Variants in GGNBP2 observed in about 807,000 individuals in gnomAD.
GGNBP2 encodes gametogenetin-binding protein 2.
Under a neutral mutation model 85.9 loss-of-function variants are expected in GGNBP2, and 10 were observed. That is an observed-to-expected ratio of 0.12 (90% CI 0.07 to 0.20). The LOEUF (loss-of-function observed/expected upper bound fraction) is 0.20. Among genes scored for constraint, GGNBP2 ranks in the 10% least tolerant of loss-of-function variants. The probability of loss-of-function intolerance (pLI) is 1.00; values close to 1 mark genes in which losing one functional copy is unlikely to be tolerated. For synonymous variants in GGNBP2, 287 were observed against 285.7 expected (o/e 1.00, Z -0.05); for missense variants, 595 against 857.8 (o/e 0.69, Z 3.83).
rs72818385 is a variant in GGNBP2, at chr17:36,581,620, C to A, written c.1215+82C>A. On this transcript the variant is annotated intron_variant, in intron 9 of 13. Coordinates refer to ENST00000613102, the MANE Select transcript of GGNBP2 (RefSeq NM_024835.5). ...ACAGGCCAGGTGTGGTGGCTCACGC[C>A]TGTGATCCCAGCACTTTGGGAGGCC... 0.055 allele frequency: 57,920 copies of A among 1,059,394 alleles called. 2,143 individuals carry two copies. Among genetic ancestry groups the A allele is most frequent in the East Asian group, 0.16 (6,239 of 38,476 alleles). The allele number at this position is 1,059,394 out of a possible 1,614,324, so 65.6% of individuals were successfully genotyped here. A position where few individuals can be genotyped will look rare whatever the true frequency, so the allele number is the denominator to read the frequency against.
chr17:36,563,148 C>G (rs1309063150), intron 5 of GGNBP2, among the ~76,000 whole-genome samples: 2 of 151,966 alleles, frequency 1.3e-5, no homozygotes, highest in East Asian at 3.9e-4. Flanking sequence ...TGCTTGTAAT[C>G]TTAGCTACTT....
At chr17:36,547,092 T>A in intron 2 of GGNBP2, 1 of 152,214 alleles carries the variant, frequency 6.6e-6, no homozygotes, top group East Asian at 1.9e-4. Flanking sequence ...TGACATAAAG[T>A]AAATAGTGTT....
In GGNBP2 at chr17:36,557,071, T is replaced by C. The variant is rs1394265178; in HGVS notation, c.175-12T>C. ...TTAAAGGACACTCTTTCATTTTCTT[T>C]CCCTCTTTCAGCGACATGGTATGCT... On this transcript the variant is annotated splice_polypyrimidine_tract_variant and intron_variant, in intron 3 of 13. Transcript: ENST00000613102. 6.2e-7 allele frequency: 1 copy of C among 1,613,566 alleles called. No individual in the cohort carries two copies.
Position 36,589,480 on chromosome 17 carries a change from CTCTTAA to C in GGNBP2, c.*71_*76del. 1 of 1,280,934 alleles carries C rather than the reference CTCTTAA, an allele frequency of 7.8e-7. No homozygotes were observed. Among genetic ancestry groups the C allele is most frequent in the Admixed American group, 2.0e-5 (1 of 49,852 alleles). The allele number at this position is 1,280,934 out of a possible 1,614,324, so 79.3% of individuals were successfully genotyped here. A position where few individuals can be genotyped will look rare whatever the true frequency, so the allele number is the denominator to read the frequency against. On this transcript the variant is annotated 3_prime_UTR_variant, in exon 14 of 14. Coordinates refer to ENST00000613102, the MANE Select transcript of GGNBP2 (RefSeq NM_024835.5). ...CTACTGCGCCTTCTCTTTCGAAAAA[CTCTTAA>C]TTTAGTGACTTATGGCAAAATTTTA...
intron 9 of GGNBP2, 62 bp from the exon 10 acceptor site, chr17:36,585,238 G>A (rs1382144269): frequency 7.2e-7 from 1 of 1,387,484 alleles, no homozygotes; most frequent in Non-Finnish European, 1.0e-6. Flanking sequence ...TTGATCTAGG[G>A]AATAAAATGT....
intron 8 of GGNBP2, among the ~76,000 whole-genome samples, chr17:36,580,765 C>T (rs2074640572): frequency 6.6e-6 from 1 of 151,338 alleles, no homozygotes; most frequent in African/African-American, 2.4e-5. Context: ...ACTAAATATA[C>T]AAAAATCAGC....
At chr17:36,588,288 T>C (rs1006978018) in intron 13 of GGNBP2, among the ~76,000 whole-genome samples, 20 of 152,126 alleles carry the variant, frequency 1.3e-4, no homozygotes, top group Non-Finnish European at 2.4e-4. Context: ...GGTGGAGTTT[T>C]GCTCTGTTGC....
chr17:36,551,870 T>C (rs2074312075), intron 2 of GGNBP2, among the ~76,000 whole-genome samples: 1 of 152,120 alleles, frequency 6.6e-6, no homozygotes, highest in African/African-American at 2.4e-5. Context: ...GTCTCAGTAT[T>C]ATTAGATGTG....
At chr17:36,560,550 G>A (rs2074407404) in intron 4 of GGNBP2, among the ~76,000 whole-genome samples, 1 of 152,118 alleles carries the variant, frequency 6.6e-6, no homozygotes, top group Non-Finnish European at 1.5e-5. Flanking sequence ...TGCAACTGGT[G>A]TATTTACATA....
At chr17:36,548,970 A>G (rs995882718) in intron 2 of GGNBP2, among the ~76,000 whole-genome samples, 2 of 152,060 alleles carry the variant, frequency 1.3e-5, no homozygotes, top group Non-Finnish European at 2.9e-5. Context: ...CTCTTCTTTT[A>G]TGTGATATGT....
chr17:36,560,735 A>C, intron 4 of GGNBP2, 38 bp from the exon 5 acceptor site: 1 of 1,153,170 alleles, frequency 8.7e-7, no homozygotes, highest in Non-Finnish European at 1.3e-6. Context: ...TTGAAAGTAA[A>C]ATGAATTAAA....
chr17:36,551,279 T>C (rs949575584), intron 2 of GGNBP2, among the ~76,000 whole-genome samples: 1 of 151,912 alleles, frequency 6.6e-6, no homozygotes. Context: ...CGATCTTGGC[T>C]CACCACAACC....
chr17:36,576,651 ATATATATGTATATATATGTG>A (rs1462284056), intron 6 of GGNBP2: 5 of 133,884 alleles, frequency 3.7e-5, no homozygotes, highest in African/African-American at 1.2e-4. Flanking sequence ...ATGTATATGT[ATATATATGTATATATATGTG>A]TATATATATA....
chr17:36,586,423 C>G, intron 12 of GGNBP2: 1 of 538,232 alleles, frequency 1.9e-6, no homozygotes, highest in East Asian at 3.1e-5. Context: ...TTCAATTGTT[C>G]TTTTTATACT....
At chr17:36,546,858 C>T (rs1286615019) in intron 2 of GGNBP2, 1 of 151,970 alleles carries the variant, frequency 6.6e-6, no homozygotes, top group Non-Finnish European at 1.5e-5. Context: ...CAAATATCTA[C>T]CGAAGTTTTT....
At chr17:36,557,852 G>T (rs371681616) in intron 4 of GGNBP2, among the ~76,000 whole-genome samples, 146 of 152,254 alleles carry the variant, frequency 9.6e-4, no homozygotes, top group African/African-American at 3.4e-3. Flanking sequence ...GGTGGCTCAC[G>T]CCTGTAATCC....
At chr17:36,571,827 A>G (rs900047632) in intron 6 of GGNBP2, among the ~76,000 whole-genome samples, 1 of 152,184 alleles carries the variant, frequency 6.6e-6, no homozygotes, top group African/African-American at 2.4e-5. Context: ...TGGGCGACAG[A>G]GCGAGACTCC....
At chr17:36,545,907 A>T (rs1163074361) in intron 2 of GGNBP2, 90 bp downstream of exon 2, 1 of 905,424 alleles carries the variant, frequency 1.1e-6, no homozygotes, top group South Asian at 1.6e-5. Context: ...TGCGCACTGG[A>T]GAAAGAGTGT....
intron 2 of GGNBP2, chr17:36,547,351 C>T (rs778351685): frequency 5.9e-5 from 9 of 151,876 alleles, no homozygotes; most frequent in Non-Finnish European, 8.8e-5. Context: ...CCCACAATGG[C>T]TGTGGAGTTA....
Sources: gnomAD v4.1 joint callset for allele counts (sites outside exome capture counted in the v4.1 genomes callset) on GRCh38, gnomAD v4.1.1 for gene constraint, MANE v1.5 for transcripts, NCBI Gene and HGNC (gene_info 2026-07-23, HGNC 2026-07-21) for gene names.